The following CSMD1 variants were observed in gnomAD, a reference collection of about 807,000 sequenced individuals.
CSMD1 encodes CUB and Sushi multiple domains 1, also known as CUB and sushi domain-containing protein 1.
A neutral mutation model predicts 417.5 loss-of-function variants in CSMD1; 213 were observed. The ratio of observed to expected loss-of-function variants is 0.51; its 90% CI spans 0.46 to 0.57. The LOEUF is 0.57. CSMD1 is among the 20% of genes least tolerant of loss of function. The pLI, the probability that CSMD1 is intolerant of heterozygous loss-of-function variation, is 0.00. For missense variants in CSMD1, 6,923 were observed against 4,529.7 expected (o/e 1.53, Z -15.17); for synonymous variants, 2,862 against 1,736.8 (o/e 1.65, Z -16.11).
chr8:3,933,751 A>T (rs1429771347), intron 5 of CSMD1, among the ~76,000 whole-genome samples: 1 of 152,112 alleles, frequency 6.6e-6, no homozygotes, highest in African/African-American at 2.4e-5. Context: ...ATGAGGTGAG[A>T]TTTATTTAGG....
intron 7 of CSMD1, among the ~76,000 whole-genome samples, chr8:3,707,613 CTG>C (rs1289664906): frequency 6.6e-6 from 1 of 152,178 alleles, no homozygotes; most frequent in African/African-American, 2.4e-5. Flanking sequence ...TACCCAGTAA[CTG>C]TTATGACATG....
At chr8:3,689,499 C>T (rs1011502928) in intron 7 of CSMD1, among the ~76,000 whole-genome samples, 1 of 152,208 alleles carries the variant, frequency 6.6e-6, no homozygotes, top group Non-Finnish European at 1.5e-5. Context: ...TTTATTCTCA[C>T]TCTGCTCATA....
At chr8:4,057,141 C>A (rs986381787) in intron 3 of CSMD1, among the ~76,000 whole-genome samples, 26 of 152,342 alleles carry the variant, frequency 1.7e-4, no homozygotes, top group African/African-American at 5.8e-4. Flanking sequence ...AACTAGTTTA[C>A]AGTCCCACCA....
At chr8:4,652,929 G>C (rs1201560613) in intron 1 of CSMD1, among the ~76,000 whole-genome samples, 1 of 151,410 alleles carries the variant, frequency 6.6e-6, no homozygotes, top group African/African-American at 2.5e-5. Context: ...AGTTCAGGTG[G>C]TAATGTGAGT....
chr8:3,911,457 G>T (rs1372041617), intron 5 of CSMD1, among the ~76,000 whole-genome samples: 1 of 151,532 alleles, frequency 6.6e-6, no homozygotes, highest in Non-Finnish European at 1.5e-5. Flanking sequence ...GAACCCGCGA[G>T]GCGGAGCCTG....
intron 7 of CSMD1, among the ~76,000 whole-genome samples, chr8:3,670,611 T>C (rs1585048559): frequency 6.8e-6 from 1 of 148,112 alleles, no homozygotes; most frequent in Non-Finnish European, 1.5e-5. Flanking sequence ...TGCACATATA[T>C]ATGGGGATAT....
chr8:4,478,450 T>C (rs1225970277), intron 2 of CSMD1, among the ~76,000 whole-genome samples: 3 of 152,146 alleles, frequency 2.0e-5, no homozygotes, highest in Non-Finnish European at 4.4e-5. Context: ...TGCCTTTAGA[T>C]AAAAATTGAA....
rs1185931520 is a variant in CSMD1 at position 4,839,436 on chromosome 8, GA to G, written c.85+154895del. Among the ~76,000 whole-genome samples, 5 of 151,954 alleles carry G rather than the reference GA, an allele frequency of 3.3e-5. No homozygotes were observed. In the East Asian group the frequency reaches 5.8e-4, roughly 18 times the overall value. On this transcript the variant is annotated intron_variant, in intron 1 of 69. Transcript: ENST00000635120. ...CATTCTACTTTGTATTTCTAGTTCT[GA>G]AAAAAAGTTGCTAGACATTTAGAAT...
At chr8:4,512,824 A>C (rs952118770) in intron 2 of CSMD1, among the ~76,000 whole-genome samples, 7 of 152,118 alleles carry the variant, frequency 4.6e-5, no homozygotes, top group African/African-American at 1.7e-4. Flanking sequence ...GATTTAAAAA[A>C]AAAAAAACCT....
chr8:4,231,282 T>C (rs182633662), intron 3 of CSMD1, among the ~76,000 whole-genome samples: 14 of 152,310 alleles, frequency 9.2e-5, no homozygotes, highest in Admixed American at 2.6e-4. Context: ...GAGGCAGTGA[T>C]GCTAAGAAAA....
chr8:4,632,696 G>A (rs1196409012), intron 2 of CSMD1, among the ~76,000 whole-genome samples: 1 of 152,184 alleles, frequency 6.6e-6, no homozygotes, highest in Non-Finnish European at 1.5e-5. Context: ...AGGAGTACAG[G>A]CTTCCAATTG....
chr8:4,604,347 A>G (rs1041846773), intron 2 of CSMD1, among the ~76,000 whole-genome samples: 3 of 149,876 alleles, frequency 2.0e-5, no homozygotes, highest in African/African-American at 7.4e-5. Flanking sequence ...TATATATAAT[A>G]TATTATTCTA....
At chr8:3,251,372 G>GT (rs1297470073) in intron 26 of CSMD1, among the ~76,000 whole-genome samples, 1 of 152,118 alleles carries the variant, frequency 6.6e-6, no homozygotes, top group African/African-American at 2.4e-5. Context: ...TCAGATAGTT[G>GT]TAGATATGTG....
At chr8:3,678,569 C>A (rs1001147300) in intron 7 of CSMD1, among the ~76,000 whole-genome samples, 1 of 152,106 alleles carries the variant, frequency 6.6e-6, no homozygotes, top group East Asian at 1.9e-4. Context: ...GATTGGTGTA[C>A]CTGAGAGTGA....
chr8:3,435,319 G>A (rs1040422263), intron 12 of CSMD1, among the ~76,000 whole-genome samples: 1 of 152,122 alleles, frequency 6.6e-6, no homozygotes, highest in African/African-American at 2.4e-5. Context: ...GAAGCATGGG[G>A]CAGAGGGGCT....
At chr8:4,381,143 C>A (rs1175656573) in intron 3 of CSMD1, among the ~76,000 whole-genome samples, 1 of 152,110 alleles carries the variant, frequency 6.6e-6, no homozygotes, top group Non-Finnish European at 1.5e-5. Flanking sequence ...GACTTCAGAA[C>A]TAAAGAAGTC....
intron 1 of CSMD1, among the ~76,000 whole-genome samples, chr8:4,659,320 T>C (rs923279066): frequency 6.6e-6 from 1 of 152,156 alleles, no homozygotes; most frequent in Non-Finnish European, 1.5e-5. Flanking sequence ...AGAAAGGAGA[T>C]ACAAATAAAC....
chr8:4,752,423 T>C (rs1044231320), intron 1 of CSMD1, among the ~76,000 whole-genome samples: 1 of 152,208 alleles, frequency 6.6e-6, no homozygotes. Context: ...ACTGAACTTG[T>C]GACTGATTGT....
In CSMD1 at chr8:3,961,792, G is replaced by A. The variant is rs1812344634; in HGVS notation, c.818+36111C>T. On this transcript the variant is annotated intron_variant, in intron 5 of 69. Coordinates refer to ENST00000635120, the MANE Select transcript of CSMD1 (RefSeq NM_033225.6). Reference sequence around the variant, plus strand: ...ATCAGCTTTGATAATGGTGCACTGGGTTTTTAATATTTCCCGCTAGAAATG... The same window carrying A: ...ATCAGCTTTGATAATGGTGCACTGGATTTTTAATATTTCCCGCTAGAAATG... Among the ~76,000 whole-genome samples the A allele has an allele frequency of 2.0e-5, 3 of 152,172 alleles. No individual in the cohort carries two copies. In the South Asian group the frequency reaches 6.2e-4, roughly 32 times the overall value.
Sources: allele counts gnomAD v4.1 joint callset (sites outside exome capture counted in the v4.1 genomes callset), GRCh38; gene constraint gnomAD v4.1.1; transcripts MANE v1.5; gene names NCBI Gene and HGNC (gene_info 2026-07-23, HGNC 2026-07-21).